The following DYRK1A variants were observed in gnomAD, a reference collection of about 807,000 sequenced individuals.
The protein encoded by DYRK1A is dual specificity tyrosine phosphorylation regulated kinase 1A, also known as dual specificity tyrosine-phosphorylation-regulated kinase 1A.
DYRK1A carries 9 observed loss-of-function variants against 79.7 expected under a neutral mutation model. That is an observed-to-expected ratio of 0.11 (90% CI 0.07 to 0.20). The LOEUF (loss-of-function observed/expected upper bound fraction) is 0.20. Among genes scored for constraint, DYRK1A ranks in the 10% least tolerant of loss-of-function variants. The pLI is 1.00. For synonymous variants in DYRK1A, 349 were observed against 329.7 expected, an observed-to-expected ratio of 1.06 and a Z score of -0.63; for missense variants, 622 against 956.0, an observed-to-expected ratio of 0.65 and a Z score of 4.61.
rs150095127 is a variant in DYRK1A at position 37,431,078 on chromosome 21, C to T, written c.10+10694C>T. ...AAATCTTTGGTTCACTGGTATGTCTCCATCCCATGCTTTATTTTATTTAGT... is the reference window on the plus strand; with the variant it reads ...AAATCTTTGGTTCACTGGTATGTCTTCATCCCATGCTTTATTTTATTTAGT... On this transcript the variant is annotated intron_variant, in intron 2 of 11. Transcript: ENST00000647188. Among the ~76,000 whole-genome samples the T allele has an allele frequency of 9.9e-3, 1,506 of 152,214 alleles. 9 individuals are homozygous for T. The highest frequency in any genetic ancestry group is 0.015 in the Non-Finnish European group (1,032 of 68,002).
chr21:37,449,680 A>G (rs996976608), intron 2 of DYRK1A, among the ~76,000 whole-genome samples: 32 of 152,132 alleles, frequency 2.1e-4, no homozygotes, highest in African/African-American at 7.7e-4. Context: ...TCAGCAAGAC[A>G]TTGACTTCTC....
chr21:37,423,940 A>G (rs1015045805), intron 2 of DYRK1A, among the ~76,000 whole-genome samples: 4 of 152,100 alleles, frequency 2.6e-5, no homozygotes, highest in African/African-American at 9.7e-5. Flanking sequence ...GATTCTCTTA[A>G]CTCATTTTAA....
chr21:37,508,781 AT>A (rs1188780600), intron 11 of DYRK1A, among the ~76,000 whole-genome samples: 1 of 151,354 alleles, frequency 6.6e-6, no homozygotes, highest in East Asian at 1.9e-4. Flanking sequence ...CTTTTCTTAC[AT>A]TTCCTGTGCT....
chr21:37,500,754 A>G (rs1345690189), intron 9 of DYRK1A, among the ~76,000 whole-genome samples: 1 of 151,926 alleles, frequency 6.6e-6, no homozygotes, highest in Non-Finnish European at 1.5e-5. Flanking sequence ...TAAACTTATC[A>G]ATAATATTTT....
At chr21:37,374,025 T>A (rs2049486947) in intron 1 of DYRK1A, among the ~76,000 whole-genome samples, 1 of 152,320 alleles carries the variant, frequency 6.6e-6, no homozygotes, top group Non-Finnish European at 1.5e-5. Context: ...AAGTAAGTGG[T>A]CAGATTAGAA....
intron 3 of DYRK1A, 91 bp from the exon 4 acceptor site, chr21:37,478,117 C>A: frequency 1.3e-6 from 2 of 1,538,008 alleles, no homozygotes; most frequent in Non-Finnish European, 1.8e-6. Context: ...TAGATACATG[C>A]AGGTTACAGA....
At chr21:37,373,807 G>C (rs1271010205) in intron 1 of DYRK1A, among the ~76,000 whole-genome samples, 4 of 152,188 alleles carry the variant, frequency 2.6e-5, no homozygotes, top group Non-Finnish European at 5.9e-5. Context: ...TGACTATTTG[G>C]CTGAAAATTT....
chr21:37,512,143 C>G lies in DYRK1A; in HGVS notation c.1877C>G (p.Ser626Cys). The G allele has an allele frequency of 6.2e-7, 1 of 1,614,204 alleles. No individual in the cohort carries two copies. Among genetic ancestry groups the G allele is most frequent in the South Asian group, 1.1e-5 (1 of 91,076 alleles). Residue 626 changes from serine (S) to cysteine (C), a missense_variant, in exon 12 of 12, where the codon TCT (serine) becomes TGT (cysteine). Ser to Cys is a moderately radical substitution (Grantham distance 112). Coordinates refer to ENST00000647188, the MANE Select transcript of DYRK1A (RefSeq NM_001347721.2). ...CGGACCAGGCCAAGGGTCTACAATT[C>G]TCCAACGAATAGCTCCTCTACCCAA... ...GNRTRPRVYN[S>C]PTNSSSTQDS...
At chr21:37,416,086 G>A (rs1000855046) in intron 1 of DYRK1A, among the ~76,000 whole-genome samples, 1 of 152,056 alleles carries the variant, frequency 6.6e-6, no homozygotes, top group Non-Finnish European at 1.5e-5. Context: ...CACAAACTGT[G>A]ACCTTAGGCC....
At chr21:37,397,352 T>G (rs895224251) in intron 1 of DYRK1A, among the ~76,000 whole-genome samples, 8 of 152,216 alleles carry the variant, frequency 5.3e-5, no homozygotes, top group African/African-American at 1.9e-4. Context: ...AGTAAATTAT[T>G]TGGGCAAGTT....
intron 2 of DYRK1A, among the ~76,000 whole-genome samples, chr21:37,471,899 A>C (rs1483409683): frequency 1.3e-5 from 2 of 152,252 alleles, no homozygotes; most frequent in African/African-American, 4.8e-5. Flanking sequence ...AATTTGGCTG[A>C]ATTTAAGAAA....
intron 2 of DYRK1A, among the ~76,000 whole-genome samples, chr21:37,457,049 T>C (rs147761079): frequency 0.18 from 12,159 of 67,298 alleles, 718 homozygotes; most frequent in Non-Finnish European, 0.26. Context: ...TATTTATTTA[T>C]TTATTTATTT....
At chr21:37,371,069 T>C (rs1000221785) in intron 1 of DYRK1A, among the ~76,000 whole-genome samples, 2 of 152,214 alleles carry the variant, frequency 1.3e-5, no homozygotes, top group Non-Finnish European at 2.9e-5. Flanking sequence ...AAAATTTGTG[T>C]TTAATTACTT....
chr21:37,507,192 C>T (rs1047693791), intron 11 of DYRK1A, among the ~76,000 whole-genome samples: 6 of 152,214 alleles, frequency 3.9e-5, no homozygotes, highest in Admixed American at 3.3e-4. Flanking sequence ...CTGTCCACTT[C>T]TCCTCTACCC....
intron 11 of DYRK1A, among the ~76,000 whole-genome samples, chr21:37,508,786 C>T (rs1486452735): frequency 6.6e-6 from 1 of 152,056 alleles, no homozygotes; most frequent in Non-Finnish European, 1.5e-5. Flanking sequence ...CTTACATTTC[C>T]TGTGCTCTCA....
At chr21:37,473,778 A>G (rs2052306680) in intron 3 of DYRK1A, among the ~76,000 whole-genome samples, 2 of 151,952 alleles carry the variant, frequency 1.3e-5, no homozygotes, top group Non-Finnish European at 2.9e-5. Flanking sequence ...AAAATATACA[A>G]CATGTTAACA....
chr21:37,373,433 C>T (rs891003443), intron 1 of DYRK1A, among the ~76,000 whole-genome samples: 5 of 152,084 alleles, frequency 3.3e-5, no homozygotes, highest in African/African-American at 1.2e-4. Context: ...CTTATATGTA[C>T]CAGTTAGAAT....
At position 37,514,512 on chromosome 21, in the gene DYRK1A, T is replaced by C. The variant is rs1439785958; in HGVS notation, c.*1981T>C. 1 of 152,678 alleles carries C rather than the reference T, an allele frequency of 6.5e-6. No homozygotes were observed. The highest frequency in any genetic ancestry group is 1.5e-5 in the Non-Finnish European group (1 of 68,042). The allele number at this position is 152,678 out of a possible 1,614,324, so 9.5% of individuals were successfully genotyped here. On this transcript the variant is annotated 3_prime_UTR_variant, in exon 12 of 12. Transcript: ENST00000647188. ...ATTCTATTGGTCAATTCCATGTGGC[T>C]GACTAGGTCAATTTTTTTTCTGAAC...
At chr21:37,432,377 AAAG>A (rs1258540652) in intron 2 of DYRK1A, among the ~76,000 whole-genome samples, 3 of 152,188 alleles carry the variant, frequency 2.0e-5, no homozygotes, top group Non-Finnish European at 4.4e-5. Flanking sequence ...AGGGGACAAA[AAAG>A]AAGCAGGATT....
Sources: allele counts gnomAD v4.1 joint callset (sites outside exome capture counted in the v4.1 genomes callset), GRCh38; gene constraint gnomAD v4.1.1; transcripts MANE v1.5; gene names NCBI Gene and HGNC (gene_info 2026-07-23, HGNC 2026-07-21).